The following CDH8 variants were observed in gnomAD, a reference collection of about 807,000 sequenced individuals.
CDH8 encodes cadherin-8.
A neutral mutation model predicts 68.1 loss-of-function variants in CDH8; 17 were observed. That is an observed-to-expected ratio of 0.25 (90% CI 0.17 to 0.37). CDH8 has a LOEUF of 0.37. Among genes scored for constraint, CDH8 ranks in the 10% least tolerant of loss-of-function variants. The probability of loss-of-function intolerance (pLI) is 1.00; values close to 1 mark genes in which losing one functional copy is unlikely to be tolerated. For missense variants in CDH8, 763 were observed against 999.3 expected (o/e 0.76, Z 3.19); for synonymous variants, 372 against 365.1 (o/e 1.02, Z -0.21).
At chr16:61,813,492 T>A (rs1002532028) in intron 7 of CDH8, among the ~76,000 whole-genome samples, 2 of 152,186 alleles carry the variant, frequency 1.3e-5, no homozygotes, top group East Asian at 3.9e-4. Context: ...TTACATCAGA[T>A]GCTCTTGTGC....
intron 8 of CDH8, among the ~76,000 whole-genome samples, chr16:61,779,940 G>A (rs1270250392): frequency 2.0e-5 from 3 of 152,176 alleles, no homozygotes; most frequent in African/African-American, 7.2e-5. Context: ...TGAGGTTTCT[G>A]TGGAAGGTGT....
At chr16:61,654,192 T>C (rs973313412) in intron 11 of CDH8, 91 bp from the exon 12 acceptor site, 2 of 1,138,554 alleles carry the variant, frequency 1.8e-6, no homozygotes, top group African/African-American at 3.1e-5. Flanking sequence ...GGGGTATTTT[T>C]ACAAAATTGT....
intron 8 of CDH8, among the ~76,000 whole-genome samples, chr16:61,745,452 T>C (rs1175647438): frequency 3.9e-5 from 6 of 152,148 alleles, no homozygotes; most frequent in Admixed American, 3.9e-4. Flanking sequence ...GCATCTTCTC[T>C]GGCCTTCCTC....
In CDH8 at chr16:62,004,514, ATAGACAAGCCACC is replaced by A. The variant is rs1597120489; in HGVS notation, c.252+16625_252+16637del. On this transcript the variant is annotated intron_variant, in intron 2 of 11. Transcript: ENST00000577390. ...TTCAGGCAATAAAGATGACAGAAAAATAGACAAGCCACCGGGGTTATAACAACAAAAAAAGGTA... is the reference window on the plus strand; with the variant it reads ...TTCAGGCAATAAAGATGACAGAAAAAGGGGTTATAACAACAAAAAAAGGTA... Among the ~76,000 whole-genome samples the A allele has an allele frequency of 1.6e-4, 24 of 152,340 alleles. No homozygotes were observed. The South Asian group carries it at 5.0e-3, about 32-fold the overall frequency.
chr16:61,875,946 G>A (rs1006358666), intron 3 of CDH8, among the ~76,000 whole-genome samples: 1 of 151,990 alleles, frequency 6.6e-6, no homozygotes, highest in Admixed American at 6.6e-5. Context: ...GTGCCATCTC[G>A]GCTCACTGCA....
chr16:61,727,042 T>C (rs768691738), intron 9 of CDH8, 52 bp downstream of exon 9: 2 of 1,592,980 alleles, frequency 1.3e-6, no homozygotes, highest in Non-Finnish European at 1.7e-6. Context: ...TAGTCAAATA[T>C]GAGACAGTTG....
intron 10 of CDH8, among the ~76,000 whole-genome samples, chr16:61,698,421 T>C (rs1172431575): frequency 6.6e-6 from 1 of 152,212 alleles, no homozygotes; most frequent in African/African-American, 2.4e-5. Flanking sequence ...TCCGAGAGTC[T>C]TTTATGTATT....
intron 8 of CDH8, among the ~76,000 whole-genome samples, chr16:61,756,524 T>G (rs1960324087): frequency 6.6e-6 from 1 of 152,118 alleles, no homozygotes; most frequent in Admixed American, 6.6e-5. Flanking sequence ...TTACAATTAT[T>G]CTGAATAACT....
chr16:61,955,060 T>C (rs373135876), intron 2 of CDH8, among the ~76,000 whole-genome samples: 1 of 152,220 alleles, frequency 6.6e-6, no homozygotes, highest in Non-Finnish European at 1.5e-5. Context: ...TCCATAGACC[T>C]ACTAAATGTG....
intron 2 of CDH8, among the ~76,000 whole-genome samples, chr16:62,016,186 A>G (rs1008672259): frequency 6.6e-6 from 1 of 152,164 alleles, no homozygotes; most frequent in Non-Finnish European, 1.5e-5. Flanking sequence ...ATATGCTTCA[A>G]GAGAACCACA....
At chr16:62,004,141 C>T (rs1051104784) in intron 2 of CDH8, among the ~76,000 whole-genome samples, 5 of 152,168 alleles carry the variant, frequency 3.3e-5, no homozygotes, top group African/African-American at 7.2e-5. Flanking sequence ...ATGTCCAAGG[C>T]GTGAACTGTC....
Position 61,865,050 on chromosome 16 carries a change from G to A in CDH8, c.548-7812C>T, listed in dbSNP as rs1013012151. ...TTTCTTTTTTTGCAAAGGCCTACTC[G>A]CTGCTCACTGGGTGTTCTCCTTATG... is the stretch of plus-strand genomic sequence containing the variant. On this transcript the variant is annotated intron_variant, in intron 3 of 11. Coordinates refer to ENST00000577390, the MANE Select transcript of CDH8 (RefSeq NM_001796.5). Among the ~76,000 whole-genome samples, 84 of 152,062 alleles carry A rather than the reference G, an allele frequency of 5.5e-4. 1 individual carries two copies. Among genetic ancestry groups the A allele is most frequent in the African/African-American group, 1.9e-3 (79 of 41,378 alleles).
At chr16:61,914,994 C>T (rs1964216644) in intron 2 of CDH8, among the ~76,000 whole-genome samples, 1 of 152,166 alleles carries the variant, frequency 6.6e-6, no homozygotes, top group Non-Finnish European at 1.5e-5. Flanking sequence ...AGAGCCAATA[C>T]AGTATTTTCA....
chr16:61,931,978 C>T (rs548151130), intron 2 of CDH8, among the ~76,000 whole-genome samples: 231 of 152,138 alleles, frequency 1.5e-3, no homozygotes, highest in African/African-American at 5.3e-3. Context: ...GAGGCCGAGG[C>T]GGGCGGATCA....
chr16:61,847,042 G>C (rs535154884), intron 4 of CDH8, among the ~76,000 whole-genome samples: 2 of 152,220 alleles, frequency 1.3e-5, no homozygotes, highest in African/African-American at 4.8e-5. Flanking sequence ...TATATTCTAA[G>C]TTTTTAGAAA....
At chr16:61,976,628 T>A (rs1322843541) in intron 2 of CDH8, among the ~76,000 whole-genome samples, 1 of 152,168 alleles carries the variant, frequency 6.6e-6, no homozygotes, top group Non-Finnish European at 1.5e-5. Context: ...TATTTCTGCT[T>A]AAGCCAACTG....
At chr16:61,756,546 T>A (rs1437660445) in intron 8 of CDH8, among the ~76,000 whole-genome samples, 1 of 152,132 alleles carries the variant, frequency 6.6e-6, no homozygotes, top group Non-Finnish European at 1.5e-5. Flanking sequence ...GAAATTGTAA[T>A]TACATACATA....
intron 2 of CDH8, among the ~76,000 whole-genome samples, chr16:61,905,783 T>C (rs1181916531): frequency 2.0e-5 from 3 of 151,680 alleles, no homozygotes; most frequent in Non-Finnish European, 4.4e-5. Flanking sequence ...AAAGAAGTAA[T>C]GATTAAAACT....
chr16:61,769,879 C>G (rs760740561), intron 8 of CDH8, among the ~76,000 whole-genome samples: 2 of 151,718 alleles, frequency 1.3e-5, no homozygotes, highest in Non-Finnish European at 2.9e-5. Context: ...CAATGTGATT[C>G]CTGGATTTTT....
Sources: allele counts gnomAD v4.1 joint callset (sites outside exome capture counted in the v4.1 genomes callset), GRCh38; gene constraint gnomAD v4.1.1; transcripts MANE v1.5; gene names NCBI Gene and HGNC (gene_info 2026-07-23, HGNC 2026-07-21).